The following ERMAP variants were observed in gnomAD, a reference collection of about 807,000 sequenced individuals.
The protein encoded by ERMAP is erythroblast membrane associated protein (Scianna blood group).
A neutral mutation model predicts 49.5 loss-of-function variants in ERMAP; 34 were observed. The observed-to-expected ratio is 0.69, with a 90% CI of 0.52 to 0.91. The LOEUF (loss-of-function observed/expected upper bound fraction) is 0.91. Among genes scored for constraint, ERMAP ranks in the 40% least tolerant of loss-of-function variants. The pLI is 0.00. For missense variants in ERMAP, 541 were observed against 582.6 expected (o/e 0.93, Z 0.74); for synonymous variants, 214 against 232.2 (o/e 0.92, Z 0.71).
At position 42,825,693 on chromosome 1, in the gene ERMAP, C is replaced by T; in HGVS notation, c.-51C>T. ...AAGGAGTGTTCCCAGCTTGCAAACT[C>T]CAGCTTTGCCTGTGAGAGGAACAAG... On this transcript the variant is annotated 5_prime_UTR_variant, in exon 2 of 12. Coordinates refer to ENST00000372517, the MANE Select transcript of ERMAP (RefSeq NM_001017922.2). The T allele has an allele frequency of 7.8e-7, 1 of 1,289,434 alleles. No homozygotes were observed. Among genetic ancestry groups the T allele is most frequent in the Non-Finnish European group, 1.0e-6 (1 of 988,882 alleles). The allele number at this position is 1,289,434 out of a possible 1,614,324, so 79.9% of individuals were successfully genotyped here.
At chr1:42,839,559 G>A (rs1173780324) in intron 8 of ERMAP, 3 of 174,014 alleles carry the variant, frequency 1.7e-5, no homozygotes, top group Non-Finnish European at 2.5e-5. Context: ...GCAGTGAGCC[G>A]AGATTGCACT....
In ERMAP at chr1:42,843,884, G is replaced by A. The variant is rs554274638; in HGVS notation, c.*652G>A. ...CTAATCTGCCTGTTGATGGTAACTAGGTACAGCGACTTTAAATACAGTTGC... is the reference window on the plus strand; with the variant it reads ...CTAATCTGCCTGTTGATGGTAACTAAGTACAGCGACTTTAAATACAGTTGC... On this transcript the variant is annotated 3_prime_UTR_variant, in exon 12 of 12. Coordinates refer to ENST00000372517, the MANE Select transcript of ERMAP (RefSeq NM_001017922.2). The A allele has an allele frequency of 1.5e-5, 6 of 395,870 alleles. No homozygotes were observed. In the East Asian group the frequency reaches 2.1e-4, roughly 14 times the overall value. 24.5% of individuals were successfully genotyped at this position (395,870 alleles called of 1,614,324 possible).
Position 42,830,764 on chromosome 1 carries a change from C to G in ERMAP, c.86-4C>G. The G allele has an allele frequency of 6.6e-7, 1 of 1,522,558 alleles. No homozygotes were observed. The highest frequency in any genetic ancestry group is 8.8e-7 in the Non-Finnish European group (1 of 1,135,162). The allele number at this position is 1,522,558 out of a possible 1,614,324, so 94.3% of individuals were successfully genotyped here. On this transcript the variant is annotated splice_polypyrimidine_tract_variant and splice_region_variant and intron_variant, in intron 3 of 11. Transcript: ENST00000372517. The stretch of plus-strand genomic sequence containing the variant: ...CAGTTGGCCTTGTCTCTTTTTTTGT[C>G]CAGGCCACGCAGGGGATGCCGGCAA...
chr1:42,817,728 C>T (rs1654285694), intron 1 of ERMAP: 2 of 152,332 alleles, frequency 1.3e-5, no homozygotes, highest in African/African-American at 2.4e-5. Flanking sequence ...GACAGAAGTA[C>T]CAATAGCCAG....
rs1342707096 is a variant in ERMAP at position 42,817,209 on chromosome 1, G to A, written c.-166G>A. The A allele has an allele frequency of 8.0e-7, 1 of 1,256,558 alleles. No homozygotes were observed. The highest frequency in any genetic ancestry group is 7.3e-5 in the East Asian group (1 of 13,668). 77.8% of individuals were successfully genotyped at this position (1,256,558 alleles called of 1,614,324 possible). A position where few individuals can be genotyped will look rare whatever the true frequency, so the allele number is the denominator to read the frequency against. On this transcript the variant is annotated 5_prime_UTR_variant, in exon 1 of 12. Coordinates refer to ENST00000372517, the MANE Select transcript of ERMAP (RefSeq NM_001017922.2). ...CTGTACCTTTCCCGACCGGGCCACT[G>A]GAAGTTGGAGCCTCCGCCGAGTCGC...
In ERMAP at chr1:42,840,276, G is replaced by GGTTTCT. The variant is rs1316021009; in HGVS notation, c.692_693insGTTTCT (p.Arg231_Arg232insPheLeu). On this transcript the variant is annotated inframe_insertion, in exon 11 of 12. Coordinates refer to ENST00000372517, the MANE Select transcript of ERMAP (RefSeq NM_001017922.2). ...CCCTTTTCTCATTTTTCAGGCTGGA[G>GGTTTCT]AAGAGCCCGGTTGCATTTTGGTAAG... is the stretch of plus-strand genomic sequence containing the variant. The GGTTTCT allele has an allele frequency of 1.9e-6, 3 of 1,614,048 alleles. No individual in the cohort carries two copies. Among genetic ancestry groups the GGTTTCT allele is most frequent in the African/African-American group, 1.3e-5 (1 of 74,914 alleles).
In ERMAP at chr1:42,844,468, A is replaced by G; in HGVS notation, c.*1236A>G. 5.3e-6 allele frequency: 1 copy of G among 188,796 alleles called. No homozygotes were observed. The highest frequency in any genetic ancestry group is 1.1e-5 in the Non-Finnish European group (1 of 92,512). 11.7% of individuals were successfully genotyped at this position (188,796 alleles called of 1,614,324 possible). Reference sequence around the variant, plus strand: ...TTCCAGAGAAACAGAATCAATATATATTGGGGCAGGGGGGCGGTGGTTATT... The same window carrying G: ...TTCCAGAGAAACAGAATCAATATATGTTGGGGCAGGGGGGCGGTGGTTATT... On this transcript the variant is annotated 3_prime_UTR_variant, in exon 12 of 12. Transcript: ENST00000372517. The surrounding 1 kb of genome is among the most constrained non-coding windows in gnomAD (Gnocchi z 4.0).
In ERMAP at chr1:42,818,196, C is replaced by G. The variant is rs149453937; in HGVS notation, c.-122+943C>G. ...ACTCAGCCCAGATGGACACACGCTT[C>G]CAGTCAAACTGTAAATCGTTAACAG... On this transcript the variant is annotated intron_variant, in intron 1 of 11. Transcript: ENST00000372517. Among the ~76,000 whole-genome samples the G allele has an allele frequency of 3.4e-3, 524 of 152,310 alleles. 3 individuals are homozygous for G. Among genetic ancestry groups the G allele is most frequent in the African/African-American group, 0.012 (499 of 41,560 alleles).
chr1:42,843,663 C>T lies in ERMAP; in HGVS notation c.*431C>T, dbSNP rs916509593. 3.2e-5 allele frequency: 6 copies of T among 188,932 alleles called. No individual in the cohort carries two copies. The highest frequency in any genetic ancestry group is 4.7e-5 in the African/African-American group (2 of 42,916). 11.7% of individuals were successfully genotyped at this position (188,932 alleles called of 1,614,324 possible). On this transcript the variant is annotated 3_prime_UTR_variant, in exon 12 of 12. Coordinates refer to ENST00000372517, the MANE Select transcript of ERMAP (RefSeq NM_001017922.2). ...CCCATTGAGGACTGCCTTTCTCTCT[C>T]TCAGTTCTGGCCTCTGCCCCCCAAA...
intron 1 of ERMAP, among the ~76,000 whole-genome samples, chr1:42,822,088 TAAC>T (rs1476023816): frequency 1.3e-5 from 2 of 151,016 alleles, no homozygotes; most frequent in East Asian, 1.9e-4. Flanking sequence ...ATAAATTATA[TAAC>T]AACAAAACAT....
intron 4 of ERMAP, among the ~76,000 whole-genome samples, chr1:42,834,063 A>G (rs1287101934): frequency 6.6e-6 from 1 of 152,208 alleles, no homozygotes; most frequent in Non-Finnish European, 1.5e-5. Flanking sequence ...TGTCATGCAC[A>G]CATTTTACAG....
chr1:42,827,098 G>A (rs1349234771), intron 2 of ERMAP, among the ~76,000 whole-genome samples: 2 of 152,184 alleles, frequency 1.3e-5, no homozygotes, highest in Non-Finnish European at 2.9e-5. Context: ...AAGAAGATTT[G>A]ATTGCCTTGG....
At chr1:42,841,850 T>C (rs1353243597) in intron 11 of ERMAP, 1 of 152,282 alleles carries the variant, frequency 6.6e-6, no homozygotes, top group Admixed American at 6.5e-5. Context: ...AAATGTGGTG[T>C]CTTACTCTGT....
In ERMAP at chr1:42,842,965, C is replaced by A; in HGVS notation, c.1161C>A (p.Phe387Leu). 6.2e-7 allele frequency: 1 copy of A among 1,614,214 alleles called. No individual in the cohort carries two copies. The highest frequency in any genetic ancestry group is 8.5e-7 in the Non-Finnish European group (1 of 1,180,040). Residue 387 changes from phenylalanine (F) to leucine (L), a missense_variant, in exon 12 of 12, where the codon TTC becomes TTA. Coordinates refer to ENST00000372517, the MANE Select transcript of ERMAP (RefSeq NM_001017922.2). ...ACATCTTTACTTTCACCCACAATTT[C>A]TCTGGCCCCCTTCGCCCTTTCTTTG... is the stretch of plus-strand genomic sequence containing the variant. ...KSHIFTFTHN[F>L]SGPLRPFFEP... is the part of the protein sequence containing the mutation.
At chr1:42,831,457 G>T (rs1310538905) in intron 4 of ERMAP, among the ~76,000 whole-genome samples, 1 of 151,398 alleles carries the variant, frequency 6.6e-6, no homozygotes, top group African/African-American at 2.4e-5. Flanking sequence ...GTAAAGAAAT[G>T]TCTTCAAGGG....
intron 2 of ERMAP, 92 bp from the exon 3 acceptor site, chr1:42,830,349 CCAG>C: frequency 9.4e-7 from 1 of 1,069,264 alleles, no homozygotes; most frequent in African/African-American, 1.6e-5. Context: ...TCCCAGAGCA[CCAG>C]CAATACCGTC....
chr1:42,828,152 A>G (rs537882763), intron 2 of ERMAP, among the ~76,000 whole-genome samples: 2 of 151,486 alleles, frequency 1.3e-5, no homozygotes, highest in East Asian at 3.9e-4. Context: ...AGATTAGAAG[A>G]ATAAATCCTG....
intron 5 of ERMAP, 98 bp from the exon 6 acceptor site, chr1:42,835,634 G>A: frequency 1.3e-6 from 2 of 1,510,930 alleles, no homozygotes; most frequent in African/African-American, 1.4e-5. Context: ...GTGACAAGGA[G>A]TCAGTCCTAC....
chr1:42,821,717 A>G (rs1654409750), intron 1 of ERMAP, among the ~76,000 whole-genome samples: 1 of 152,216 alleles, frequency 6.6e-6, no homozygotes, highest in South Asian at 2.1e-4. Flanking sequence ...TTTCCATATT[A>G]AAAATTAAAA....
Sources: allele counts gnomAD v4.1 joint callset (sites outside exome capture counted in the v4.1 genomes callset), GRCh38; gene constraint gnomAD v4.1.1; non-coding constraint Gnocchi (gnomAD v3.1); transcripts MANE v1.5; gene names NCBI Gene and HGNC (gene_info 2026-07-23, HGNC 2026-07-21).